Variants in PSMB1 observed in about 807,000 individuals in gnomAD.
The protein encoded by PSMB1 is proteasome 20S subunit beta 1, also known as proteasome subunit beta type-1.
Under a neutral mutation model 25.4 loss-of-function variants are expected in PSMB1, and 7 were observed. That is an observed-to-expected ratio of 0.28 (90% confidence interval 0.16 to 0.52). The LOEUF (loss-of-function observed/expected upper bound fraction) is 0.52. PSMB1 is among the 20% of genes least tolerant of loss of function. The pLI, the probability that PSMB1 is intolerant of heterozygous loss-of-function variation, is 0.97. For missense variants in PSMB1, 284 were observed against 302.2 expected, an observed-to-expected ratio of 0.94 and a Z score of 0.45; for synonymous variants, 119 against 115.0, an observed-to-expected ratio of 1.03 and a Z score of -0.22.
Position 170,544,199 on chromosome 6 carries a change from A to G in PSMB1, c.304-469T>C, listed in dbSNP as rs540586708. 8.3e-5 allele frequency among the ~76,000 whole-genome samples: 12 copies of G among 144,418 alleles called. No homozygotes were observed. The East Asian group carries it at 2.4e-3, about 28-fold the overall frequency. The allele number at this position is 144,418 out of a possible 152,430, so 94.7% of individuals were successfully genotyped here. A position where few individuals can be genotyped will look rare whatever the true frequency, so the allele number is the denominator to read the frequency against. On this transcript the variant is annotated intron_variant, in intron 3 of 5. Transcript: ENST00000262193. ...TCAAATGAGGCCCATAAAGCTGTAA[A>G]TATTTACTATCTGGTCCTTTACAGA...
At position 170,546,065 on chromosome 6, in the gene PSMB1, T is replaced by C. The variant is rs767497002; in HGVS notation, c.303+38A>G. On this transcript the variant is annotated intron_variant, in intron 3 of 5. Transcript: ENST00000262193. ...TTAAAAGAATTTAATGAATTACTAT[T>C]AATTTAAAATAGTGTAGAAATGTAC... 7 of 1,535,314 alleles carry C rather than the reference T, an allele frequency of 4.6e-6. No individual in the cohort carries two copies. The South Asian group carries it at 6.9e-5, about 15-fold the overall frequency.
In PSMB1 at chr6:170,546,127, T is replaced by C. The variant is rs747162449; in HGVS notation, c.279A>G (p.Thr93=). The part of the protein sequence containing the change: ...SGFHGDCLTL[T]KIIEARLKMY... Reference sequence around the variant, plus strand: ...CCTTTAGTCTTGCTTCAATAATCTTTGTCAGCGTAAGACAGTCTCCATGAA... The same window carrying C: ...CCTTTAGTCTTGCTTCAATAATCTTCGTCAGCGTAAGACAGTCTCCATGAA... Residue 93 remains threonine (T), a synonymous_variant, in exon 3 of 6, where the codon ACA becomes ACG. Transcript: ENST00000262193. 8.1e-6 allele frequency: 13 copies of C among 1,613,856 alleles called. No homozygotes were observed. The highest frequency in any genetic ancestry group is 1.1e-5 in the Non-Finnish European group (13 of 1,179,822).
chr6:170,542,179 C>T (rs1002928430), intron 4 of PSMB1, among the ~76,000 whole-genome samples: 1 of 152,174 alleles, frequency 6.6e-6, no homozygotes, highest in African/African-American at 2.4e-5. Flanking sequence ...AATTTGTCTA[C>T]GCCTAAACCA....
At chr6:170,551,271 C>A (rs1398666760) in intron 1 of PSMB1, among the ~76,000 whole-genome samples, 1 of 152,142 alleles carries the variant, frequency 6.6e-6, no homozygotes, top group East Asian at 1.9e-4. Context: ...GAAGCCGAAT[C>A]GAGGGACTCA....
At chr6:170,536,529 G>A (rs1221658785) in intron 5 of PSMB1, 1 of 455,658 alleles carries the variant, frequency 2.2e-6, no homozygotes, top group Non-Finnish European at 4.4e-6. Context: ...TGCAGCTGTG[G>A]TTGTCCACCA....
intron 5 of PSMB1, among the ~76,000 whole-genome samples, chr6:170,536,759 T>C (rs932262047): frequency 2.0e-5 from 3 of 152,216 alleles, no homozygotes; most frequent in Admixed American, 6.5e-5. Context: ...AGTAGGCTTA[T>C]TTGTAAGTTT....
intron 4 of PSMB1, among the ~76,000 whole-genome samples, chr6:170,537,676 G>C (rs926712988): frequency 6.6e-6 from 1 of 152,142 alleles, no homozygotes; most frequent in Non-Finnish European, 1.5e-5. Context: ...AGGGAGAAAG[G>C]CATTTTTATG....
intron 4 of PSMB1, among the ~76,000 whole-genome samples, chr6:170,543,398 T>C (rs1052462079): frequency 6.6e-6 from 1 of 152,242 alleles, no homozygotes; most frequent in Non-Finnish European, 1.5e-5. Flanking sequence ...AATAACTGGC[T>C]GCTCAACATT....
intron 4 of PSMB1, among the ~76,000 whole-genome samples, chr6:170,541,433 A>G (rs114847798): frequency 1.2e-3 from 184 of 152,344 alleles, no homozygotes; most frequent in African/African-American, 3.7e-3. Context: ...CCAAAAGTGT[A>G]ATGTGTTAAA....
At chr6:170,548,925 A>T in intron 2 of PSMB1, 81 bp downstream of exon 2, 2 of 1,078,048 alleles carry the variant, frequency 1.9e-6, no homozygotes, top group South Asian at 1.4e-5. Flanking sequence ...CTCATGAAAC[A>T]AATCATTTAG....
At chr6:170,540,588 C>CAAAAAAA (rs5881872) in intron 4 of PSMB1, among the ~76,000 whole-genome samples, 53 of 61,162 alleles carry the variant, frequency 8.7e-4, no homozygotes, top group South Asian at 2.4e-3. Context: ...GAATGGACAG[C>CAAAAAAA]AAAAAAAAAA....
At chr6:170,541,884 A>T (rs2114977111) in intron 4 of PSMB1, among the ~76,000 whole-genome samples, 1 of 152,272 alleles carries the variant, frequency 6.6e-6, no homozygotes, top group South Asian at 2.1e-4. Context: ...TCTCGGAAAA[A>T]CTCAAAGGAT....
intron 4 of PSMB1, among the ~76,000 whole-genome samples, chr6:170,539,392 T>C (rs187818860): frequency 2.1e-3 from 313 of 152,296 alleles, no homozygotes; most frequent in Non-Finnish European, 2.1e-3. Context: ...GTATCTATAA[T>C]ATCACAGACA....
chr6:170,538,536 T>G (rs765116619), intron 4 of PSMB1, among the ~76,000 whole-genome samples: 1 of 152,066 alleles, frequency 6.6e-6, no homozygotes, highest in South Asian at 2.1e-4. Flanking sequence ...CCATCTCTAC[T>G]AAAAATACAA....
intron 4 of PSMB1, among the ~76,000 whole-genome samples, chr6:170,538,417 T>C (rs1192065937): frequency 6.6e-6 from 1 of 152,178 alleles, no homozygotes; most frequent in Non-Finnish European, 1.5e-5. Flanking sequence ...CTGCGTAAAC[T>C]TGGCCAGGCG....
In PSMB1 at chr6:170,535,183, A is replaced by G; in HGVS notation, c.*37T>C. 5 of 1,564,066 alleles carry G rather than the reference A, an allele frequency of 3.2e-6. No individual in the cohort carries two copies. Among genetic ancestry groups the G allele is most frequent in the Non-Finnish European group, 3.5e-6 (4 of 1,149,298 alleles). ...GGTACAGTTCCAAAGTACAAAATCA[A>G]CCAGGTCTGAACTGATTGGTGATAA... On this transcript the variant is annotated 3_prime_UTR_variant, in exon 6 of 6. Transcript: ENST00000262193.
At chr6:170,549,486 A>G (rs1384444328) in intron 1 of PSMB1, 1 of 166,684 alleles carries the variant, frequency 6.0e-6, no homozygotes, top group East Asian at 1.6e-4. Context: ...CGCAAGCTCT[A>G]TGAGTTTAGA....
chr6:170,551,894 A>C (rs999841907), intron 1 of PSMB1, among the ~76,000 whole-genome samples: 1 of 152,234 alleles, frequency 6.6e-6, no homozygotes, highest in African/African-American at 2.4e-5. Context: ...GATTCTCACC[A>C]AAAACTATGA....
intron 3 of PSMB1, among the ~76,000 whole-genome samples, chr6:170,545,697 A>G (rs755857129): frequency 8.5e-5 from 13 of 152,204 alleles, no homozygotes; most frequent in Non-Finnish European, 1.8e-4. Context: ...GCCAACTAAG[A>G]GCACAGCACT....
Sources: allele counts gnomAD v4.1 joint callset (sites outside exome capture counted in the v4.1 genomes callset), GRCh38; gene constraint gnomAD v4.1.1; transcripts MANE v1.5; gene names NCBI Gene and HGNC (gene_info 2026-07-23, HGNC 2026-07-21).